The following PKN2 variants were observed in gnomAD, a reference collection of about 807,000 sequenced individuals.
The protein encoded by PKN2 is serine/threonine-protein kinase N2.
PKN2 carries 38 observed loss-of-function variants against 119.1 expected under a neutral mutation model. The observed-to-expected ratio is 0.32, with a 90% CI of 0.25 to 0.42. The LOEUF (loss-of-function observed/expected upper bound fraction) is 0.42, where lower values mean the gene tolerates loss of function less well. Ranked by LOEUF, PKN2 falls within the 10% of genes least tolerant of loss-of-function variation. The probability of loss-of-function intolerance (pLI) is 1.00; values close to 1 mark genes in which losing one functional copy is unlikely to be tolerated. For missense variants in PKN2, 850 were observed against 1,165.1 expected (o/e 0.73, Z 3.94); for synonymous variants, 390 against 384.9 (o/e 1.01, Z -0.15).
chr1:88,789,322 A>T (rs558045707), intron 8 of PKN2, among the ~76,000 whole-genome samples: 2 of 152,300 alleles, frequency 1.3e-5, no homozygotes, highest in South Asian at 4.1e-4. Context: ...CTGGTATGAC[A>T]GTATGATGAC....
At chr1:88,743,826 C>T (rs1436324376) in intron 2 of PKN2, among the ~76,000 whole-genome samples, 5 of 149,328 alleles carry the variant, frequency 3.3e-5, no homozygotes, top group Non-Finnish European at 5.9e-5. Context: ...ACTTAGAAAA[C>T]AAAGACTTAA....
At position 88,804,925 on chromosome 1, in the gene PKN2, A is replaced by G. The variant is rs368001370; in HGVS notation, c.1501+4A>G. On this transcript the variant is annotated splice_donor_region_variant and intron_variant, in intron 10 of 21. Coordinates refer to ENST00000370521, the MANE Select transcript of PKN2 (RefSeq NM_006256.4). ...AAAATTTTTTCAAAGCAACAAGGTAATTACTAACAATCAAATGCATAGCAT... is the reference window on the plus strand; with the variant it reads ...AAAATTTTTTCAAAGCAACAAGGTAGTTACTAACAATCAAATGCATAGCAT... 9.7e-6 allele frequency: 13 copies of G among 1,345,940 alleles called. No homozygotes were observed. In the African/African-American group the frequency reaches 1.6e-4, roughly 17 times the overall value. 83.4% of individuals were successfully genotyped at this position (1,345,940 alleles called of 1,614,324 possible).
At chr1:88,736,365 A>ATT (rs1046428926) in intron 1 of PKN2, among the ~76,000 whole-genome samples, 2 of 147,114 alleles carry the variant, frequency 1.4e-5, no homozygotes, top group South Asian at 2.2e-4. Context: ...CTTTCTTAAA[A>ATT]TTTTTTTTTT....
chr1:88,781,241 T>C lies in PKN2; in HGVS notation c.986-3398T>C. The C allele has an allele frequency of 4.2e-6, 4 of 944,752 alleles. No homozygotes were observed. In the South Asian group the frequency reaches 6.1e-5, roughly 14 times the overall value. The allele number at this position is 944,752 out of a possible 1,614,324, so 58.5% of individuals were successfully genotyped here. On this transcript the variant is annotated intron_variant, in intron 6 of 21. Transcript: ENST00000370521. Reference sequence around the variant, plus strand: ...TCTCATACTCCAGTTTCTTTTGTGGTTGTATGATTATACTACTGAAATTTG... The same window carrying C: ...TCTCATACTCCAGTTTCTTTTGTGGCTGTATGATTATACTACTGAAATTTG...
chr1:88,789,418 T>C (rs1422350901), intron 8 of PKN2, among the ~76,000 whole-genome samples: 1 of 151,964 alleles, frequency 6.6e-6, no homozygotes, highest in Non-Finnish European at 1.5e-5. Context: ...TCCCAGCACT[T>C]TGGGGAGGCC....
chr1:88,822,847 G>A (rs1468525276), intron 17 of PKN2, among the ~76,000 whole-genome samples: 1 of 152,032 alleles, frequency 6.6e-6, no homozygotes, highest in East Asian at 1.9e-4. Context: ...CCAAAGTGCT[G>A]GGATTACAGT....
chr1:88,720,514 A>G (rs1481135792), intron 1 of PKN2, among the ~76,000 whole-genome samples: 5 of 152,180 alleles, frequency 3.3e-5, no homozygotes, highest in African/African-American at 1.2e-4. Flanking sequence ...CTAGGAGGTA[A>G]TACAGCCCCA....
intron 1 of PKN2, among the ~76,000 whole-genome samples, chr1:88,721,395 T>C (rs1404481505): frequency 6.6e-6 from 1 of 152,180 alleles, no homozygotes; most frequent in Non-Finnish European, 1.5e-5. Context: ...AGTTAAATTA[T>C]ATTGGTTAGT....
intron 2 of PKN2, among the ~76,000 whole-genome samples, chr1:88,748,768 C>T (rs558636667): frequency 0.023 from 2,324 of 99,542 alleles, 34 homozygotes; most frequent in South Asian, 0.077. Context: ...AACTTCATCT[C>T]CACAAAAAAT....
intron 2 of PKN2, among the ~76,000 whole-genome samples, chr1:88,753,350 A>C (rs937280295): frequency 6.6e-6 from 1 of 152,078 alleles, no homozygotes; most frequent in Non-Finnish European, 1.5e-5. Flanking sequence ...CCCAGAGTAC[A>C]TCCTTTCGCA....
intron 17 of PKN2, among the ~76,000 whole-genome samples, chr1:88,823,537 A>T (rs941916995): frequency 4.6e-5 from 7 of 151,338 alleles, no homozygotes; most frequent in African/African-American, 1.7e-4. Context: ...ACCCATCTCT[A>T]CTGCAAATAA....
intron 8 of PKN2, among the ~76,000 whole-genome samples, chr1:88,798,002 A>G (rs2100858078): frequency 6.6e-6 from 1 of 152,232 alleles, no homozygotes; most frequent in Admixed American, 6.5e-5. Context: ...AATTAGTGAA[A>G]TTTTAAGAAG....
chr1:88,783,965 AGTTG>A (rs761376940), intron 6 of PKN2, among the ~76,000 whole-genome samples: 10 of 152,152 alleles, frequency 6.6e-5, no homozygotes, highest in Non-Finnish European at 1.5e-4. Flanking sequence ...TATTAAACAT[AGTTG>A]GTATTCACAT....
At chr1:88,731,084 G>A (rs1391346273) in intron 1 of PKN2, among the ~76,000 whole-genome samples, 3 of 152,206 alleles carry the variant, frequency 2.0e-5, no homozygotes, top group Non-Finnish European at 4.4e-5. Flanking sequence ...CAGAAAGAAA[G>A]AAGGATCAGG....
chr1:88,791,020 C>T (rs1307523064), intron 8 of PKN2, among the ~76,000 whole-genome samples: 1 of 152,186 alleles, frequency 6.6e-6, no homozygotes, highest in Non-Finnish European at 1.5e-5. Flanking sequence ...AAATTTTCTT[C>T]TTGAATTGTC....
intron 6 of PKN2, among the ~76,000 whole-genome samples, chr1:88,775,055 A>G (rs1223968946): frequency 1.3e-5 from 2 of 151,976 alleles, no homozygotes; most frequent in African/African-American, 4.8e-5. Flanking sequence ...TTTATGAGAT[A>G]GATAGATATA....
At chr1:88,765,835 G>A (rs992053501) in intron 3 of PKN2, among the ~76,000 whole-genome samples, 3 of 152,114 alleles carry the variant, frequency 2.0e-5, no homozygotes, top group African/African-American at 4.8e-5. Flanking sequence ...TCACTCTGTC[G>A]CCCAGGTTGT....
At chr1:88,763,264 A>C (rs1669517815) in intron 3 of PKN2, among the ~76,000 whole-genome samples, 1 of 152,212 alleles carries the variant, frequency 6.6e-6, no homozygotes, top group Admixed American at 6.5e-5. Context: ...GAAAGCAGGG[A>C]GCTCCTTTTC....
chr1:88,775,677 C>G (rs761164850), intron 6 of PKN2, among the ~76,000 whole-genome samples: 5 of 152,168 alleles, frequency 3.3e-5, no homozygotes, highest in African/African-American at 1.2e-4. Context: ...AACTCTTTGA[C>G]TGTGCCCTTG....
Sources: allele counts gnomAD v4.1 joint callset (sites outside exome capture counted in the v4.1 genomes callset), GRCh38; gene constraint gnomAD v4.1.1; transcripts MANE v1.5; gene names NCBI Gene and HGNC (gene_info 2026-07-23, HGNC 2026-07-21).